UBQLN1: variants seen among roughly 807,000 people sequenced by gnomAD.
The protein encoded by UBQLN1 is ubiquilin 1, also known as ubiquilin-1.
A neutral mutation model predicts 65.4 loss-of-function variants in UBQLN1; 13 were observed. The observed-to-expected ratio is 0.20, with a 90% CI of 0.13 to 0.32. The LOEUF (loss-of-function observed/expected upper bound fraction) is 0.32. Ranked by LOEUF, UBQLN1 falls within the 10% of genes least tolerant of loss-of-function variation. UBQLN1 has a pLI of 1.00. For missense variants in UBQLN1, 561 were observed against 724.0 expected (o/e 0.77, Z 2.58); for synonymous variants, 267 against 247.8 (o/e 1.08, Z -0.73).
intron 1 of UBQLN1, among the ~76,000 whole-genome samples, chr9:83,703,098 T>A (rs1162753030): frequency 1.3e-5 from 2 of 152,090 alleles, no homozygotes; most frequent in African/African-American, 4.8e-5. Context: ...CTAGATGTTA[T>A]CTTGCTCGTG....
intron 1 of UBQLN1, among the ~76,000 whole-genome samples, chr9:83,696,831 G>A (rs527829484): frequency 1.3e-5 from 2 of 152,260 alleles, no homozygotes; most frequent in East Asian, 3.9e-4. Context: ...GGGGCAGGGG[G>A]GCTGGGTGAA....
At chr9:83,703,335 G>A (rs529164665) in intron 1 of UBQLN1, among the ~76,000 whole-genome samples, 2 of 152,120 alleles carry the variant, frequency 1.3e-5, no homozygotes, top group South Asian at 2.1e-4. Flanking sequence ...AATCCCATAT[G>A]TAACACCTTT....
intron 1 of UBQLN1, among the ~76,000 whole-genome samples, chr9:83,692,981 T>A (rs1339406312): frequency 6.6e-6 from 1 of 152,218 alleles, no homozygotes; most frequent in East Asian, 1.9e-4. Flanking sequence ...TCCTTAAGCC[T>A]ATGTGGTCAC....
At chr9:83,701,883 C>CA (rs1832315562) in intron 1 of UBQLN1, among the ~76,000 whole-genome samples, 3 of 152,138 alleles carry the variant, frequency 2.0e-5, no homozygotes, top group Non-Finnish European at 4.4e-5. Flanking sequence ...AGGCATTAGT[C>CA]ACAATAGCCA....
At chr9:83,685,199 A>G (rs1564167744) in intron 2 of UBQLN1, among the ~76,000 whole-genome samples, 1 of 152,238 alleles carries the variant, frequency 6.6e-6, no homozygotes, top group Non-Finnish European at 1.5e-5. Flanking sequence ...TTGGTAAACA[A>G]CAGCATAAAA....
chr9:83,664,709 T>C (rs1045795418), intron 9 of UBQLN1, among the ~76,000 whole-genome samples: 7 of 151,984 alleles, frequency 4.6e-5, no homozygotes, highest in Non-Finnish European at 8.8e-5. Flanking sequence ...GAGACCAGCC[T>C]GGATAACATG....
chr9:83,672,167 T>C (rs916967060), intron 6 of UBQLN1, among the ~76,000 whole-genome samples: 2 of 152,240 alleles, frequency 1.3e-5, no homozygotes, highest in South Asian at 2.1e-4. Context: ...CTTAAGGGAA[T>C]AGTGTGGCTG....
chr9:83,680,253 A>G (rs1312182592), intron 3 of UBQLN1, among the ~76,000 whole-genome samples: 2 of 152,234 alleles, frequency 1.3e-5, no homozygotes, highest in Non-Finnish European at 2.9e-5. Context: ...AATAAAATCA[A>G]CAAAATATAT....
At position 83,707,893 on chromosome 9, in the gene UBQLN1, C is replaced by G; in HGVS notation, c.-214G>C. The G allele has an allele frequency of 1.6e-6, 1 of 611,788 alleles. No individual in the cohort carries two copies. The highest frequency in any genetic ancestry group is 2.6e-6 in the Non-Finnish European group (1 of 383,408). 37.9% of individuals were successfully genotyped at this position (611,788 alleles called of 1,614,324 possible). ...CAGGCCCGGGTCAGGCGCTCGGCAG[C>G]CGCCGTGTGTTCAGGCGCCGCTCGC... On this transcript the variant is annotated 5_prime_UTR_variant, in exon 1 of 11. Transcript: ENST00000376395.
Position 83,700,780 on chromosome 9 carries a change from C to T in UBQLN1, c.180+6720G>A, listed in dbSNP as rs189210563. ...TAGAAGGTCAATGTAGTCAGCCAAG[C>T]AAGCAAAGAAAGAAGGCATCTGCAA... is the stretch of plus-strand genomic sequence containing the variant. On this transcript the variant is annotated intron_variant, in intron 1 of 10. Transcript: ENST00000376395. Among the ~76,000 whole-genome samples, 4 of 152,250 alleles carry T rather than the reference C, an allele frequency of 2.6e-5. No homozygotes were observed. In the East Asian group the frequency reaches 7.7e-4, roughly 29 times the overall value.
chr9:83,701,657 A>C (rs1257615500), intron 1 of UBQLN1, among the ~76,000 whole-genome samples: 1 of 152,218 alleles, frequency 6.6e-6, no homozygotes, highest in African/African-American at 2.4e-5. Flanking sequence ...CTATAATCAC[A>C]AAGACAGTAA....
chr9:83,677,999 T>A (rs1831868101), intron 5 of UBQLN1, 38 bp from the exon 6 acceptor site: 3 of 1,487,830 alleles, frequency 2.0e-6, no homozygotes, highest in Non-Finnish European at 1.8e-6. Flanking sequence ...AAGAATAAGC[T>A]TTTGTTTTAA....
In UBQLN1 at chr9:83,669,168, T is replaced by C. The variant is rs779604497; in HGVS notation, c.1248+17A>G. The C allele has an allele frequency of 3.1e-6, 5 of 1,597,394 alleles. No homozygotes were observed. Among genetic ancestry groups the C allele is most frequent in the Non-Finnish European group, 4.2e-6 (5 of 1,176,670 alleles). On this transcript the variant is annotated intron_variant, in intron 7 of 10. Transcript: ENST00000376395. The stretch of plus-strand genomic sequence containing the variant: ...ATTCACACTGCACAGTCTTTTTCAA[T>C]ACAATTACAAACTCACCTGTGCAGC...
Position 83,664,011 on chromosome 9 carries a change from G to A in UBQLN1, c.1481C>T (p.Thr494Ile). The change falls in exon 10 of 11, where the codon ACT (threonine) becomes ATT (isoleucine). Residue 494 changes from threonine to isoleucine, a missense_variant. Physicochemically the swap from Thr to Ile is moderately conservative, Grantham distance 89. This residue lies in a region of UBQLN1 where 68 missense variants were observed against 62.2 expected (regional missense o/e 1.09). Transcript: ENST00000376395. ...FTPGLGALGS[T>I]GGSSGTNGSN... ...TCCATTAGTTCCCGAAGAGCCTCCA[G>A]TGCTTCCTAATGCCCCCAAGCCAGG... 1.2e-6 allele frequency: 2 copies of A among 1,614,060 alleles called. No homozygotes were observed. The highest frequency in any genetic ancestry group is 8.5e-7 in the Non-Finnish European group (1 of 1,179,976).
At chr9:83,691,895 C>G (rs1028357387) in intron 1 of UBQLN1, among the ~76,000 whole-genome samples, 3 of 152,196 alleles carry the variant, frequency 2.0e-5, no homozygotes, top group African/African-American at 7.2e-5. Flanking sequence ...CAGTACAGTT[C>G]TAGGGAACTA....
rs7866234 is a variant in UBQLN1 at position 83,663,902 on chromosome 9, C to A, written c.1590G>T (p.Leu530=). 434,407 of 1,613,622 alleles carry A rather than the reference C, an allele frequency of 0.27. 68,616 individuals are homozygous for A. Among genetic ancestry groups the A allele is most frequent in the East Asian group, 0.8 (35,841 of 44,872 alleles). ...PGHQQFIQQM[L]QALAGVNPQL... is the part of the protein sequence containing the mutation. Reference sequence around the variant, plus strand: ...GAGGATTTACTCCAGCAAGAGCCTGCAGCATCTGCTGAATAAACTGCTGAT... The same window carrying A: ...GAGGATTTACTCCAGCAAGAGCCTGAAGCATCTGCTGAATAAACTGCTGAT... Residue 530 remains leucine (L), a synonymous_variant, in exon 10 of 11, where the codon CTG becomes CTT. Transcript: ENST00000376395.
Position 83,701,846 on chromosome 9 carries a change from C to T in UBQLN1, c.180+5654G>A, listed in dbSNP as rs540794255. 1.6e-4 allele frequency among the ~76,000 whole-genome samples: 24 copies of T among 152,236 alleles called. No homozygotes were observed. The South Asian group carries it at 4.1e-3, about 26-fold the overall frequency. Reference sequence around the variant, plus strand: ...AAGAAAAATGAAAACGTTATGTCCCCACAAAAACTTATACATGAGTGTTCA... The same window carrying T: ...AAGAAAAATGAAAACGTTATGTCCCTACAAAAACTTATACATGAGTGTTCA... On this transcript the variant is annotated intron_variant, in intron 1 of 10. Transcript: ENST00000376395.
rs1831564203 is a variant in UBQLN1 at position 83,661,782 on chromosome 9, T to C, written c.*5A>G. On this transcript the variant is annotated 3_prime_UTR_variant, in exon 11 of 11. Coordinates refer to ENST00000376395, the MANE Select transcript of UBQLN1 (RefSeq NM_013438.5). ...ATTACATTTTTTCAAGATACAGAAA[T>C]GCTGCTATGATGGCTGGGAGCCCAG... 6.3e-7 allele frequency: 1 copy of C among 1,592,186 alleles called. No individual in the cohort carries two copies. The highest frequency in any genetic ancestry group is 8.6e-7 in the Non-Finnish European group (1 of 1,168,942).
intron 1 of UBQLN1, among the ~76,000 whole-genome samples, chr9:83,690,529 CT>C (rs1318430995): frequency 6.6e-6 from 1 of 152,100 alleles, no homozygotes; most frequent in Admixed American, 6.5e-5. Context: ...TTCCTCTATA[CT>C]GTACTTTAAT....
Sources: allele counts gnomAD v4.1 joint callset (sites outside exome capture counted in the v4.1 genomes callset), GRCh38; gene constraint gnomAD v4.1.1; regional missense constraint gnomAD v4.1.1; transcripts MANE v1.5; gene names NCBI Gene and HGNC (gene_info 2026-07-23, HGNC 2026-07-21).